The following WIPF3 variants were observed in gnomAD, a reference collection of about 807,000 sequenced individuals.
WIPF3 encodes the protein WAS/WASL interacting protein family member 3.
WIPF3 carries 33 observed loss-of-function variants against 38.9 expected under a neutral mutation model. That is an observed-to-expected ratio of 0.85 (90% CI 0.64 to 1.14). WIPF3 has a LOEUF of 1.14. Among genes scored for constraint, WIPF3 ranks in the 50% most tolerant of loss-of-function variants. The probability of loss-of-function intolerance (pLI) is 0.00; values close to 1 mark genes in which losing one functional copy is unlikely to be tolerated. For synonymous variants in WIPF3, 324 were observed against 269.3 expected, an observed-to-expected ratio of 1.20 and a Z score of -1.99; for missense variants, 711 against 652.5, an observed-to-expected ratio of 1.09 and a Z score of -0.98.
At chr7:29,899,206 G>A (rs12700998) in intron 7 of WIPF3, among the ~76,000 whole-genome samples, 70,831 of 151,566 alleles carry the variant, frequency 0.47, 18,297 homozygotes, top group East Asian at 0.78. Context: ...CCTGCCAAAA[G>A]CCACACCTCC....
intron 5 of WIPF3, among the ~76,000 whole-genome samples, chr7:29,887,677 C>T (rs760548828): frequency 2.0e-5 from 3 of 152,202 alleles, no homozygotes; most frequent in Non-Finnish European, 4.4e-5. Flanking sequence ...TCTTACCACT[C>T]TCTAGTGATT....
At chr7:29,875,725 G>C in intron 2 of WIPF3, 105 bp from the exon 3 acceptor site, 2 of 1,471,008 alleles carry the variant, frequency 1.4e-6, no homozygotes, top group Non-Finnish European at 1.9e-6. Context: ...CTTGGGAGTG[G>C]GACGGGGAAG....
chr7:29,877,975 T>C (rs1029952709), intron 3 of WIPF3, among the ~76,000 whole-genome samples: 2 of 152,228 alleles, frequency 1.3e-5, no homozygotes, highest in African/African-American at 4.8e-5. Context: ...ATGTGCGTGA[T>C]GGTAATTCTT....
chr7:29,870,137 G>C (rs118007623), intron 2 of WIPF3, among the ~76,000 whole-genome samples: 9 of 152,260 alleles, frequency 5.9e-5, no homozygotes, highest in Non-Finnish European at 1.0e-4. Flanking sequence ...AGTGTAAAAA[G>C]AGCAGAGATC....
chr7:29,809,202 T>C (rs967547260), intron 1 of WIPF3, among the ~76,000 whole-genome samples: 2 of 152,232 alleles, frequency 1.3e-5, no homozygotes, highest in African/African-American at 2.4e-5. Flanking sequence ...TTCTGCCTAA[T>C]ATTCCGAACT....
intron 1 of WIPF3, among the ~76,000 whole-genome samples, chr7:29,814,300 T>C (rs1784424939): frequency 6.9e-6 from 1 of 144,990 alleles, no homozygotes; most frequent in South Asian, 2.1e-4. Flanking sequence ...CTTTTCTGCC[T>C]TCTACAAAAG....
intron 2 of WIPF3, among the ~76,000 whole-genome samples, chr7:29,875,418 G>A (rs1785569183): frequency 6.6e-6 from 1 of 152,162 alleles, no homozygotes; most frequent in Admixed American, 6.5e-5. Flanking sequence ...CCATCGTCAA[G>A]TGGGGAATCA....
At chr7:29,828,685 A>G (rs1227358099) in intron 1 of WIPF3, among the ~76,000 whole-genome samples, 1 of 152,220 alleles carries the variant, frequency 6.6e-6, no homozygotes, top group Non-Finnish European at 1.5e-5. Flanking sequence ...ACCCAGGTCC[A>G]TGTCCTGTAG....
Position 29,834,766 on chromosome 7 carries a change from T to G in WIPF3, c.42T>G (p.Pro14=). 4 of 817,012 alleles carry G rather than the reference T, an allele frequency of 4.9e-6. No individual in the cohort carries two copies. Among genetic ancestry groups the G allele is most frequent in the East Asian group, 7.8e-5 (1 of 12,766 alleles). The allele number at this position is 817,012 out of a possible 1,614,324, so 50.6% of individuals were successfully genotyped here. A position where few individuals can be genotyped will look rare whatever the true frequency, so the allele number is the denominator to read the frequency against. ...CACCCCCACCTCCTCTGCCTCCACC[T>G]CCCCCGCCTCTGGGGGCTCCTCCCC... ...PPPPPPPLPP[P]PPPLGAPPPP... is the part of the protein sequence containing the mutation. Residue 14 remains proline (P), a synonymous_variant, in exon 2 of 9, where the codon CCT becomes CCG. Coordinates refer to ENST00000242140, the MANE Select transcript of WIPF3 (RefSeq NM_001080529.3).
chr7:29,883,878 C>A lies in WIPF3; in HGVS notation c.384C>A (p.Ser128=). 6.4e-7 allele frequency: 1 copy of A among 1,567,552 alleles called. No homozygotes were observed. The highest frequency in any genetic ancestry group is 8.7e-7 in the Non-Finnish European group (1 of 1,153,118). Reference sequence around the variant, plus strand: ...GCAAGACAGGGCAGGGCCCTGGCTCCCGCGCGCCCTCTCCCAGGCTTCCCA... The same window carrying A: ...GCAAGACAGGGCAGGGCCCTGGCTCACGCGCGCCCTCTCCCAGGCTTCCCA... ...AGGKTGQGPG[S]RAPSPRLPNK... is the part of the protein sequence containing the mutation. Residue 128 remains serine (S), a synonymous_variant, in exon 5 of 9, where the codon TCC becomes TCA. Transcript: ENST00000242140.
Position 29,823,475 on chromosome 7 carries a change from A to G in WIPF3, c.-57-11193A>G, listed in dbSNP as rs1346370622. On this transcript the variant is annotated intron_variant, in intron 1 of 8. Coordinates refer to ENST00000242140, the MANE Select transcript of WIPF3 (RefSeq NM_001080529.3). This position sits in a 1 kb window ranked among gnomAD's most constrained non-coding sequence, Gnocchi z 4.0. ...TTTGCAATATTTTTCTTTAATAATC[A>G]TTAAGATGATATCTCATTTCTAGAT... is the stretch of plus-strand genomic sequence containing the variant. Among the ~76,000 whole-genome samples, 1 of 152,226 alleles carries G rather than the reference A, an allele frequency of 6.6e-6. No individual in the cohort carries two copies. Among genetic ancestry groups the G allele is most frequent in the East Asian group, 1.9e-4 (1 of 5,200 alleles).
rs557715386 is a variant in WIPF3 at position 29,823,998 on chromosome 7, A to G, written c.-57-10670A>G. Among the ~76,000 whole-genome samples the G allele has an allele frequency of 5.1e-4, 77 of 152,352 alleles. No individual in the cohort carries two copies. The highest frequency in any genetic ancestry group is 5.9e-4 in the Non-Finnish European group (40 of 68,036). On this transcript the variant is annotated intron_variant, in intron 1 of 8. Transcript: ENST00000242140. The surrounding 1 kb of genome is among the most constrained non-coding windows in gnomAD (Gnocchi z 4.0). ...CAGTTTCAGGTATTTCTTTATAGCA[A>G]CGCGAGAACAGACTAATACACCAAG...
chr7:29,855,742 C>A (rs1446732298), intron 2 of WIPF3, among the ~76,000 whole-genome samples: 1 of 152,206 alleles, frequency 6.6e-6, no homozygotes, highest in Non-Finnish European at 1.5e-5. Flanking sequence ...AATGTTAACT[C>A]ACTTTTTACA....
intron 7 of WIPF3, among the ~76,000 whole-genome samples, chr7:29,902,265 C>CTTTTTTTTTTTTTTTTTTTTTTT (rs141174377): frequency 5.2e-5 from 6 of 116,386 alleles, no homozygotes; most frequent in African/African-American, 1.8e-4. Flanking sequence ...TTTTCTTCTT[C>CTTTTTTTTTTTTTTTTTTTTTTT]TTCTTCTTCT....
chr7:29,840,802 G>A (rs1784900957), intron 2 of WIPF3, among the ~76,000 whole-genome samples: 1 of 152,142 alleles, frequency 6.6e-6, no homozygotes, highest in Admixed American at 6.5e-5. Context: ...GGAGCAGGGT[G>A]GGGGTCAGTG....
intron 8 of WIPF3, chr7:29,912,538 AGT>A (rs1786523733): frequency 4.7e-6 from 1 of 212,920 alleles, no homozygotes; most frequent in Admixed American, 4.1e-5. Flanking sequence ...ATCCTCTTGT[AGT>A]TCATGAGCGT....
At chr7:29,818,218 G>A (rs1446236642) in intron 1 of WIPF3, among the ~76,000 whole-genome samples, 3 of 152,132 alleles carry the variant, frequency 2.0e-5, no homozygotes, top group East Asian at 1.9e-4. Context: ...TTGGGAGGCC[G>A]AGGTGGGGTG....
chr7:29,908,783 G>T (rs369801225), intron 8 of WIPF3, among the ~76,000 whole-genome samples: 2 of 151,638 alleles, frequency 1.3e-5, no homozygotes, highest in Non-Finnish European at 2.9e-5. Context: ...TGGTGGGCAC[G>T]TGTAGTCCCA....
intron 2 of WIPF3, among the ~76,000 whole-genome samples, chr7:29,859,975 T>G (rs1785247489): frequency 6.6e-6 from 1 of 152,054 alleles, no homozygotes; most frequent in South Asian, 2.1e-4. Context: ...ACACCAACTG[T>G]GTGGACAGGA....
Sources: allele counts gnomAD v4.1 joint callset (sites outside exome capture counted in the v4.1 genomes callset), GRCh38; gene constraint gnomAD v4.1.1; non-coding constraint Gnocchi (gnomAD v3.1); transcripts MANE v1.5; gene names NCBI Gene and HGNC (gene_info 2026-07-23, HGNC 2026-07-21).